Variants in MDFI observed in about 807,000 individuals in gnomAD.
MDFI encodes MyoD family inhibitor, also known as inhibitor of MyoD family a.
MDFI carries 16 observed loss-of-function variants against 22.3 expected under a neutral mutation model. The observed-to-expected ratio is 0.72, with a 90% CI of 0.49 to 1.09. The LOEUF is 1.09. MDFI is among the 50% of genes least tolerant of loss of function. The probability of loss-of-function intolerance (pLI) is 0.00; values close to 1 mark genes in which losing one functional copy is unlikely to be tolerated. For missense variants in MDFI, 314 were observed against 326.1 expected (o/e 0.96, Z 0.29); for synonymous variants, 145 against 142.7 (o/e 1.02, Z -0.12).
At chr6:41,647,111 C>T (rs981527363) in intron 3 of MDFI, among the ~76,000 whole-genome samples, 6 of 152,224 alleles carry the variant, frequency 3.9e-5, no homozygotes, top group Non-Finnish European at 8.8e-5. Context: ...TGGGGCTAAG[C>T]TGGACTCCCT....
intron 2 of MDFI, among the ~76,000 whole-genome samples, chr6:41,642,999 C>G (rs1265115543): frequency 6.6e-6 from 1 of 152,140 alleles, no homozygotes; most frequent in Non-Finnish European, 1.5e-5. Flanking sequence ...GGAGGGGGAG[C>G]AGGGCAGGGA....
chr6:41,647,252 A>C (rs1312413027), intron 3 of MDFI, among the ~76,000 whole-genome samples: 2 of 151,814 alleles, frequency 1.3e-5, no homozygotes, highest in African/African-American at 4.8e-5. Context: ...TGGGACAGAC[A>C]CTCCTGTGTC....
intron 2 of MDFI, chr6:41,640,040 C>G (rs2250898): frequency 0.82 from 572,081 of 701,686 alleles, 234,227 homozygotes; most frequent in African/African-American, 0.89. Flanking sequence ...CCATCTTGGC[C>G]AAGCCTCAAA....
chr6:41,653,226 G>A lies in MDFI; in HGVS notation c.485-93G>A. On this transcript the variant is annotated intron_variant, in intron 4 of 4. Transcript: ENST00000230321. The surrounding 1 kb of genome is among the most constrained non-coding windows in gnomAD (Gnocchi z 4.2). ...GTGAACACTCAGCGTCCCTGCTGCT[G>A]CCGCTGCCGCAGGCCCCCACACCCC... 1 of 1,315,368 alleles carries A rather than the reference G, an allele frequency of 7.6e-7. No homozygotes were observed. The highest frequency in any genetic ancestry group is 1.1e-6 in the Non-Finnish European group (1 of 935,392). The allele number at this position is 1,315,368 out of a possible 1,614,324, so 81.5% of individuals were successfully genotyped here.
chr6:41,638,613 G>A lies in MDFI; in HGVS notation c.-51G>A, dbSNP rs1463240108. The A allele has an allele frequency of 2.8e-6, 3 of 1,052,668 alleles. No individual in the cohort carries two copies. The highest frequency in any genetic ancestry group is 4.0e-6 in the Non-Finnish European group (3 of 757,488). The allele number at this position is 1,052,668 out of a possible 1,614,324, so 65.2% of individuals were successfully genotyped here. ...CAGGCGCGCATGGCGGGCCCCGCGC[G>A]GGGATCCGGCTGGAAGAGAGCGTAG... On this transcript the variant is annotated 5_prime_UTR_variant, in exon 1 of 5. Coordinates refer to ENST00000230321, the MANE Select transcript of MDFI (RefSeq NM_005586.4). This position sits in a 1 kb window ranked among gnomAD's most constrained non-coding sequence, Gnocchi z 7.6.
intron 2 of MDFI, among the ~76,000 whole-genome samples, chr6:41,645,416 C>T (rs1234568451): frequency 1.3e-5 from 2 of 152,066 alleles, no homozygotes; most frequent in African/African-American, 4.8e-5. Context: ...TTCACCTCTT[C>T]CCCAGTGCTC....
rs1267118119 is a variant in MDFI at position 41,653,807 on chromosome 6, C to T, written c.*232C>T. The T allele has an allele frequency of 1.7e-6, 1 of 585,570 alleles. No homozygotes were observed. The highest frequency in any genetic ancestry group is 3.0e-6 in the Non-Finnish European group (1 of 330,170). The allele number at this position is 585,570 out of a possible 1,614,324, so 36.3% of individuals were successfully genotyped here. A position where few individuals can be genotyped will look rare whatever the true frequency, so the allele number is the denominator to read the frequency against. Reference sequence around the variant, plus strand: ...GGCCCATGGCAGAGAAGCCTGAACTCTTTACTGGGTTACCAGGTTCATACA... The same window carrying T: ...GGCCCATGGCAGAGAAGCCTGAACTTTTTACTGGGTTACCAGGTTCATACA... On this transcript the variant is annotated 3_prime_UTR_variant, in exon 5 of 5. Coordinates refer to ENST00000230321, the MANE Select transcript of MDFI (RefSeq NM_005586.4). The surrounding 1 kb of genome is among the most constrained non-coding windows in gnomAD (Gnocchi z 4.2).
upstream of MDFI, among the ~76,000 whole-genome samples, chr6:41,637,462 G>A (rs1301082480): frequency 1.3e-5 from 2 of 152,180 alleles, no homozygotes; most frequent in Middle Eastern, 3.4e-3. This position sits in a 1 kb window ranked among gnomAD's most constrained non-coding sequence, Gnocchi z 6.8. Context: ...CGGCTCCTAG[G>A]CGGCCCTAGA....
chr6:41,653,466 ACTGCGACCTGCC>A lies in MDFI; in HGVS notation c.643_654del (p.Pro215_Leu218del), dbSNP rs904162253. ...TGCTGTGGCTCTGGCGAGTGTGCCGACTGCGACCTGCCCTGCGACCTGGACTGCGGCATCCTG... is the reference window on the plus strand; with the variant it reads ...TGCTGTGGCTCTGGCGAGTGTGCCGACTGCGACCTGGACTGCGGCATCCTG... On this transcript the variant is annotated inframe_deletion, in exon 5 of 5. Coordinates refer to ENST00000230321, the MANE Select transcript of MDFI (RefSeq NM_005586.4). The surrounding 1 kb of genome is among the most constrained non-coding windows in gnomAD (Gnocchi z 4.2). 5 of 1,604,118 alleles carry A rather than the reference ACTGCGACCTGCC, an allele frequency of 3.1e-6. No individual in the cohort carries two copies. In the African/African-American group the frequency reaches 5.3e-5, roughly 17 times the overall value.
At chr6:41,640,875 T>C (rs1001521535) in intron 2 of MDFI, among the ~76,000 whole-genome samples, 7 of 152,218 alleles carry the variant, frequency 4.6e-5, no homozygotes, top group Admixed American at 4.6e-4. Context: ...ACAGGCACAT[T>C]TTTGCCCAGC....
At chr6:41,641,643 T>C (rs1189171862) in intron 2 of MDFI, among the ~76,000 whole-genome samples, 1 of 152,178 alleles carries the variant, frequency 6.6e-6, no homozygotes, top group East Asian at 1.9e-4. Context: ...GGTTCTGGCC[T>C]TCCCTCTCCA....
chr6:41,646,944 G>A (rs1338572051), intron 3 of MDFI, among the ~76,000 whole-genome samples: 2 of 152,148 alleles, frequency 1.3e-5, no homozygotes, highest in African/African-American at 2.4e-5. Flanking sequence ...TGGCTACTGC[G>A]AAGCCCATTT....
At position 41,653,393 on chromosome 6, in the gene MDFI, G is replaced by A. The variant is rs142795908; in HGVS notation, c.559G>A (p.Ala187Thr). The A allele has an allele frequency of 1.0e-4, 164 of 1,611,044 alleles. 1 individual carries two copies. The Middle Eastern group carries it at 2.8e-3, about 28-fold the overall frequency. The change falls in exon 5 of 5, where the codon GCC becomes ACC. Residue 187 changes from alanine to threonine, a missense_variant. By Grantham distance (58) the Ala-to-Thr change is moderately conservative. Transcript: ENST00000230321. This position sits in a 1 kb window ranked among gnomAD's most constrained non-coding sequence, Gnocchi z 4.2. ...LTLCNIVLDCATCGSCSSEDS... is the reference protein window; with the variant it reads ...LTLCNIVLDCTTCGSCSSEDS... ...GCTGTGCAACATCGTCCTGGACTGC[G>A]CCACCTGTGGCTCCTGCAGCTCGGA...
Position 41,653,739 on chromosome 6 carries a change from TG to T in MDFI, c.*170del, listed in dbSNP as rs1768375301. 7.8e-6 allele frequency: 7 copies of T among 895,870 alleles called. No homozygotes were observed. Among genetic ancestry groups the T allele is most frequent in the Non-Finnish European group, 1.2e-5 (7 of 603,390 alleles). 55.5% of individuals were successfully genotyped at this position (895,870 alleles called of 1,614,324 possible). A position where few individuals can be genotyped will look rare whatever the true frequency, so the allele number is the denominator to read the frequency against. On this transcript the variant is annotated 3_prime_UTR_variant, in exon 5 of 5. Transcript: ENST00000230321. This position sits in a 1 kb window ranked among gnomAD's most constrained non-coding sequence, Gnocchi z 4.2. ...CTCAGAACCCCAGCCTTGAAAATAG[TG>T]GGGGGCACTCAGAGGGGCCACCTCC...
chr6:41,653,626 G>T lies in MDFI; in HGVS notation c.*51G>T, dbSNP rs755841137. On this transcript the variant is annotated 3_prime_UTR_variant, in exon 5 of 5. Transcript: ENST00000230321. This position sits in a 1 kb window ranked among gnomAD's most constrained non-coding sequence, Gnocchi z 4.2. ...TGGCGCCCCTGCAGATTCCAGCAGGGTCCCTCTGAGTGGGGCCAGGCCCAG... is the reference window on the plus strand; with the variant it reads ...TGGCGCCCCTGCAGATTCCAGCAGGTTCCCTCTGAGTGGGGCCAGGCCCAG... 1.9e-6 allele frequency: 3 copies of T among 1,591,066 alleles called. No individual in the cohort carries two copies. Among genetic ancestry groups the T allele is most frequent in the Middle Eastern group, 3.5e-4 (2 of 5,774 alleles).
rs1407966920 is a variant in MDFI at position 41,638,710 on chromosome 6, C to A, written c.-11-29C>A. The stretch of plus-strand genomic sequence containing the variant: ...GGAATCGCCCCTTGCCCGCCTCCGG[C>A]GCCGCCCGCTGAGCCCTGTTTTCCG... On this transcript the variant is annotated intron_variant, in intron 1 of 4. Transcript: ENST00000230321. This position sits in a 1 kb window ranked among gnomAD's most constrained non-coding sequence, Gnocchi z 7.6. The A allele has an allele frequency of 6.5e-7, 1 of 1,540,946 alleles. No individual in the cohort carries two copies. The highest frequency in any genetic ancestry group is 8.7e-7 in the Non-Finnish European group (1 of 1,147,338).
intron 4 of MDFI, among the ~76,000 whole-genome samples, chr6:41,651,232 G>C (rs1218013069): frequency 6.7e-6 from 1 of 149,230 alleles, no homozygotes; most frequent in Non-Finnish European, 1.5e-5. Context: ...TGGAAACCTG[G>C]TTCATGACCT....
intron 3 of MDFI, among the ~76,000 whole-genome samples, chr6:41,647,389 CCAT>C (rs541797675): frequency 0.01 from 1,553 of 152,316 alleles, 11 homozygotes; most frequent in Middle Eastern, 0.024. Flanking sequence ...GTCAGTGTGC[CCAT>C]GTTTCGGCAG....
At chr6:41,640,223 CTTCCTCAGCCTCCT>C (rs1390467911) in intron 2 of MDFI, among the ~76,000 whole-genome samples, 1 of 152,188 alleles carries the variant, frequency 6.6e-6, no homozygotes, top group Non-Finnish European at 1.5e-5. Context: ...TGCCTCCTCC[CTTCCTCAGCCTCCT>C]GCTCTCCCAT....
Sources: gnomAD v4.1 joint callset for allele counts (sites outside exome capture counted in the v4.1 genomes callset) on GRCh38, gnomAD v4.1.1 for gene constraint, Gnocchi (gnomAD v3.1) non-coding constraint, MANE v1.5 for transcripts, NCBI Gene and HGNC (gene_info 2026-07-23, HGNC 2026-07-21) for gene names.